ADIPOR2: variants seen among roughly 807,000 people sequenced by gnomAD.
ADIPOR2 encodes the protein adiponectin receptor 2.
In ADIPOR2, 18 loss-of-function variants were observed where a neutral mutation model predicts 40.9. The observed-to-expected ratio is 0.44, with a 90% CI of 0.30 to 0.65. ADIPOR2 has a LOEUF of 0.65. ADIPOR2 is among the 30% of genes least tolerant of loss of function. The pLI, the probability that ADIPOR2 is intolerant of heterozygous loss-of-function variation, is 0.09. For missense variants in ADIPOR2, 283 were observed against 479.2 expected (o/e 0.59, Z 3.82); for synonymous variants, 165 against 166.4 (o/e 0.99, Z 0.06).
intron 2 of ADIPOR2, among the ~76,000 whole-genome samples, chr12:1,759,664 G>A (rs536814184): frequency 6.6e-6 from 1 of 152,250 alleles, no homozygotes; most frequent in Non-Finnish European, 1.5e-5. Context: ...CAGGCCTGCT[G>A]AATCAGAATC....
At chr12:1,707,603 T>C (rs943913352) in intron 1 of ADIPOR2, among the ~76,000 whole-genome samples, 1 of 152,162 alleles carries the variant, frequency 6.6e-6, no homozygotes, top group African/African-American at 2.4e-5. Context: ...TAGCTGGGAC[T>C]ACAGGTGCAT....
At chr12:1,705,718 G>T (rs1448920241) in intron 1 of ADIPOR2, among the ~76,000 whole-genome samples, 2 of 152,172 alleles carry the variant, frequency 1.3e-5, no homozygotes, top group Non-Finnish European at 2.9e-5. Context: ...GATAACCGTT[G>T]TAATATGGCT....
At chr12:1,734,671 C>T (rs2094726821) in intron 1 of ADIPOR2, among the ~76,000 whole-genome samples, 1 of 152,282 alleles carries the variant, frequency 6.6e-6, no homozygotes, top group South Asian at 2.1e-4. Flanking sequence ...ACATGAAGTC[C>T]TTGCCCATGC....
intron 2 of ADIPOR2, among the ~76,000 whole-genome samples, chr12:1,766,007 A>G (rs1323476416): frequency 6.6e-6 from 1 of 152,202 alleles, no homozygotes; most frequent in Non-Finnish European, 1.5e-5. Flanking sequence ...CCTTCTACAA[A>G]TGTTTTTAGT....
chr12:1,693,870 TATTTGGATTTTGA>T (rs1166808715), intron 1 of ADIPOR2, among the ~76,000 whole-genome samples: 2 of 152,156 alleles, frequency 1.3e-5, no homozygotes, highest in African/African-American at 4.8e-5. Context: ...TCATTATTTG[TATTTGGATTTTGA>T]TTGCTTTTGT....
In ADIPOR2 at chr12:1,695,701, G is replaced by A. The variant is rs575073565; in HGVS notation, c.-87+4510G>A. 1.3e-3 allele frequency: 197 copies of A among 150,114 alleles called. 1 individual carries two copies. The highest frequency in any genetic ancestry group is 1.7e-3 in the Admixed American group (25 of 15,070). 9.3% of individuals were successfully genotyped at this position (150,114 alleles called of 1,614,324 possible). ...AAAAAATGACGAAACCCGTCATTCA[G>A]CAGTCATTCACCTTTTTTGGTGGTT... On this transcript the variant is annotated intron_variant, in intron 1 of 7. Transcript: ENST00000357103.
intron 1 of ADIPOR2, among the ~76,000 whole-genome samples, chr12:1,706,061 C>G (rs1313937288): frequency 1.3e-5 from 2 of 152,152 alleles, no homozygotes; most frequent in African/African-American, 4.8e-5. Context: ...TAACAATTCA[C>G]CTTCTCCTAC....
chr12:1,774,087 A>G (rs1862540181), intron 3 of ADIPOR2, among the ~76,000 whole-genome samples: 1 of 152,248 alleles, frequency 6.6e-6, no homozygotes, highest in South Asian at 2.1e-4. Flanking sequence ...TCTCAGGAGA[A>G]TTAGCACAAA....
chr12:1,754,554 G>A lies in ADIPOR2; in HGVS notation c.171+40G>A, dbSNP rs535572459. On this transcript the variant is annotated intron_variant, in intron 2 of 7. Coordinates refer to ENST00000357103, the MANE Select transcript of ADIPOR2 (RefSeq NM_024551.3). ...AAGAATGATAAACAAAGGAAAAAATGTGGAGGAAGTGGCAGAGGGAGGATA... is the reference window on the plus strand; with the variant it reads ...AAGAATGATAAACAAAGGAAAAAATATGGAGGAAGTGGCAGAGGGAGGATA... The A allele has an allele frequency of 1.3e-5, 21 of 1,563,008 alleles. No homozygotes were observed. In the Admixed American group the frequency reaches 2.9e-4, roughly 22 times the overall value.
chr12:1,770,816 AAGTCAGAAGAAGT>A (rs2154444117), intron 2 of ADIPOR2, among the ~76,000 whole-genome samples: 2 of 152,356 alleles, frequency 1.3e-5, no homozygotes, highest in Non-Finnish European at 2.9e-5. Context: ...AGTGCTAAAG[AAGTCAGAAGAAGT>A]AGTCAGAAGA....
At chr12:1,728,778 A>G (rs192958419) in intron 1 of ADIPOR2, among the ~76,000 whole-genome samples, 98 of 152,224 alleles carry the variant, frequency 6.4e-4, no homozygotes, top group African/African-American at 2.2e-3. Flanking sequence ...GATACAATAC[A>G]GTATTCATAG....
At chr12:1,750,796 C>T (rs1160630307) in intron 1 of ADIPOR2, among the ~76,000 whole-genome samples, 1 of 152,086 alleles carries the variant, frequency 6.6e-6, no homozygotes, top group African/African-American at 2.4e-5. Flanking sequence ...TATGCCCCAT[C>T]ACATTGATGA....
chr12:1,781,161 A>G lies in ADIPOR2; in HGVS notation c.838+85A>G, dbSNP rs574378575. The G allele has an allele frequency of 7.2e-5, 98 of 1,362,356 alleles. No individual in the cohort carries two copies. The African/African-American group carries it at 1.4e-3, about 19-fold the overall frequency. The allele number at this position is 1,362,356 out of a possible 1,614,324, so 84.4% of individuals were successfully genotyped here. A position where few individuals can be genotyped will look rare whatever the true frequency, so the allele number is the denominator to read the frequency against. On this transcript the variant is annotated intron_variant, in intron 6 of 7. Transcript: ENST00000357103. ...TTTATTAAAGTTCTACCATTTGCCA[A>G]ACATTATGCTGTGTATTTGTGATGC... is the stretch of plus-strand genomic sequence containing the variant.
At chr12:1,740,648 G>A (rs534241138) in intron 1 of ADIPOR2, among the ~76,000 whole-genome samples, 9 of 152,230 alleles carry the variant, frequency 5.9e-5, no homozygotes, top group Non-Finnish European at 1.0e-4. Flanking sequence ...ATTTCTGATA[G>A]AAACTTCATT....
intron 2 of ADIPOR2, chr12:1,772,580 C>A (rs757804233): frequency 1.8e-5 from 5 of 276,860 alleles, no homozygotes; most frequent in Non-Finnish European, 3.3e-5. Flanking sequence ...AAAAACAAAC[C>A]AGTAAAGCCA....
chr12:1,748,144 T>A (rs1482488901), intron 1 of ADIPOR2, among the ~76,000 whole-genome samples: 15 of 152,156 alleles, frequency 9.9e-5, no homozygotes, highest in Non-Finnish European at 1.9e-4. Context: ...TTATTGTAAT[T>A]TTCAGCTTCA....
chr12:1,701,381 A>G (rs917972692), intron 1 of ADIPOR2, among the ~76,000 whole-genome samples: 2 of 152,048 alleles, frequency 1.3e-5, no homozygotes, highest in African/African-American at 4.8e-5. Flanking sequence ...TCGGCCTCCC[A>G]AAAGTGCTGG....
chr12:1,782,541 T>TA, intron 6 of ADIPOR2, among the ~76,000 whole-genome samples: 1 of 152,242 alleles, frequency 6.6e-6, no homozygotes, highest in Non-Finnish European at 1.5e-5. Flanking sequence ...CATTTTCTAT[T>TA]ACAGTCCTGA....
Position 1,713,374 on chromosome 12 carries a change from T to C in ADIPOR2, c.-87+22183T>C, listed in dbSNP as rs537926633. Among the ~76,000 whole-genome samples, 52 of 152,218 alleles carry C rather than the reference T, an allele frequency of 3.4e-4. No individual in the cohort carries two copies. In the South Asian group the frequency reaches 0.011, roughly 31 times the overall value. On this transcript the variant is annotated intron_variant, in intron 1 of 7. Coordinates refer to ENST00000357103, the MANE Select transcript of ADIPOR2 (RefSeq NM_024551.3). Reference sequence around the variant, plus strand: ...GGTTTTTGTACTCCTAGAATTGGGGTGTTGCAGGGACTGCTGCATTTTCTT... The same window carrying C: ...GGTTTTTGTACTCCTAGAATTGGGGCGTTGCAGGGACTGCTGCATTTTCTT...
Sources: gnomAD v4.1 joint callset for allele counts (sites outside exome capture counted in the v4.1 genomes callset) on GRCh38, gnomAD v4.1.1 for gene constraint, MANE v1.5 for transcripts, NCBI Gene and HGNC (gene_info 2026-07-23, HGNC 2026-07-21) for gene names.